Variants in ARHGAP12 observed in about 807,000 individuals in gnomAD.
ARHGAP12 encodes Rho GTPase activating protein 12.
A neutral mutation model predicts 108.6 loss-of-function variants in ARHGAP12; 64 were observed. The ratio of observed to expected loss-of-function variants is 0.59; its 90% CI spans 0.48 to 0.73. ARHGAP12 has a LOEUF of 0.73. Among genes scored for constraint, ARHGAP12 ranks in the 30% least tolerant of loss-of-function variants. The probability of loss-of-function intolerance (pLI) is 0.00; values close to 1 mark genes in which losing one functional copy is unlikely to be tolerated. For missense variants in ARHGAP12, 940 were observed against 1,005.9 expected, an observed-to-expected ratio of 0.93 and a Z score of 0.89; for synonymous variants, 312 against 337.2, an observed-to-expected ratio of 0.93 and a Z score of 0.82.
intron 6 of ARHGAP12, among the ~76,000 whole-genome samples, chr10:31,844,617 T>C (rs1426342546): frequency 1.3e-5 from 2 of 152,020 alleles, no homozygotes; most frequent in Non-Finnish European, 1.5e-5. Context: ...CACTGCAACC[T>C]TGAACTTCTG....
Position 31,806,525 on chromosome 10 carries a change from T to C in ARHGAP12, c.*1133A>G, listed in dbSNP as rs955326019. 10 of 152,626 alleles carry C rather than the reference T, an allele frequency of 6.6e-5. No individual in the cohort carries two copies. The highest frequency in any genetic ancestry group is 2.6e-4 in the Admixed American group (4 of 15,282). 9.5% of individuals were successfully genotyped at this position (152,626 alleles called of 1,614,324 possible). ...CATCCATCTAATTTACAGATGGGTT[T>C]CCACTATTCATACTGGAATTAGAAT... On this transcript the variant is annotated 3_prime_UTR_variant, in exon 20 of 20. Coordinates refer to ENST00000344936, the MANE Select transcript of ARHGAP12 (RefSeq NM_018287.7).
intron 10 of ARHGAP12, among the ~76,000 whole-genome samples, chr10:31,830,593 GTC>G (rs1162441986): frequency 6.6e-6 from 1 of 151,756 alleles, no homozygotes; most frequent in African/African-American, 2.4e-5. Flanking sequence ...AACTACCAAA[GTC>G]TGACAAAAAA....
chr10:31,880,368 G>A (rs962574593), intron 3 of ARHGAP12, among the ~76,000 whole-genome samples: 11 of 152,002 alleles, frequency 7.2e-5, no homozygotes, highest in African/African-American at 2.4e-4. Context: ...CAACACTTTC[G>A]GAGGCCAGGA....
intron 1 of ARHGAP12, among the ~76,000 whole-genome samples, chr10:31,921,933 TA>T (rs1839832277): frequency 6.6e-6 from 1 of 151,832 alleles, no homozygotes; most frequent in Admixed American, 6.6e-5. Flanking sequence ...CTCACACCTA[TA>T]ATCCCAGCAC....
intron 1 of ARHGAP12, among the ~76,000 whole-genome samples, chr10:31,916,088 G>A (rs1288723448): frequency 6.6e-6 from 1 of 152,028 alleles, no homozygotes; most frequent in East Asian, 1.9e-4. Context: ...CAAATACAAC[G>A]CTGTCCAAGC....
intron 6 of ARHGAP12, among the ~76,000 whole-genome samples, chr10:31,847,175 C>T (rs1836493610): frequency 1.3e-5 from 2 of 152,054 alleles, no homozygotes; most frequent in Non-Finnish European, 2.9e-5. Context: ...ACTTAAAATC[C>T]TATGAGATAA....
chr10:31,925,265 G>A (rs1025992526), intron 1 of ARHGAP12, among the ~76,000 whole-genome samples: 7 of 152,200 alleles, frequency 4.6e-5, no homozygotes, highest in African/African-American at 1.7e-4. Flanking sequence ...AGCTGTAGCA[G>A]TACAAGTGAT....
At chr10:31,859,817 TAG>T (rs1319703665) in intron 4 of ARHGAP12, among the ~76,000 whole-genome samples, 1 of 150,636 alleles carries the variant, frequency 6.6e-6, no homozygotes, top group Admixed American at 6.6e-5. Context: ...TTTTTTGAGA[TAG>T]AGTCTCACTC....
chr10:31,832,438 C>T (rs1835867193), intron 9 of ARHGAP12, among the ~76,000 whole-genome samples: 1 of 152,196 alleles, frequency 6.6e-6, no homozygotes, highest in Admixed American at 6.5e-5. Context: ...CAAGCTTTAT[C>T]ATCAAACCCT....
chr10:31,830,436 C>T (rs564953251), intron 10 of ARHGAP12, among the ~76,000 whole-genome samples: 8 of 151,826 alleles, frequency 5.3e-5, no homozygotes, highest in Admixed American at 3.3e-4. Context: ...AGAAAGTAGC[C>T]GAAGAGCTAT....
At chr10:31,815,467 T>G (rs1246179576) in intron 13 of ARHGAP12, among the ~76,000 whole-genome samples, 1 of 152,246 alleles carries the variant, frequency 6.6e-6, no homozygotes, top group South Asian at 2.1e-4. Context: ...CATACTTTAT[T>G]AATGAATATG....
At chr10:31,906,806 T>C (rs1440029549) in intron 3 of ARHGAP12, among the ~76,000 whole-genome samples, 2 of 152,136 alleles carry the variant, frequency 1.3e-5, no homozygotes, top group African/African-American at 4.8e-5. Context: ...TAAAATGTAA[T>C]TTGAAGTGTG....
rs1427906161 is a variant in ARHGAP12 at position 31,827,794 on chromosome 10, G to GA, written c.1449-1410dup. On this transcript the variant is annotated intron_variant, in intron 10 of 19. Coordinates refer to ENST00000344936, the MANE Select transcript of ARHGAP12 (RefSeq NM_018287.7). ...TGACAGAGTGAGACTCCGTCACCCAGAAAAAAAAACAAAAACAAAAAAAAA... is the reference window on the plus strand; with the variant it reads ...TGACAGAGTGAGACTCCGTCACCCAGAAAAAAAAAACAAAAACAAAAAAAAA... Among the ~76,000 whole-genome samples the GA allele has an allele frequency of 5.8e-4, 76 of 131,660 alleles. 1 individual carries two copies. The highest frequency in any genetic ancestry group is 1.8e-3 in the African/African-American group (54 of 29,214). The allele number at this position is 131,660 out of a possible 152,430, so 86.4% of individuals were successfully genotyped here. A position where few individuals can be genotyped will look rare whatever the true frequency, so the allele number is the denominator to read the frequency against.
At chr10:31,910,476 C>T (rs1306097367) in intron 2 of ARHGAP12, 49 bp downstream of exon 2, 1 of 151,812 alleles carries the variant, frequency 6.6e-6, no homozygotes, top group Non-Finnish European at 1.5e-5. Flanking sequence ...AGACAAACTA[C>T]TTGACTAACA....
intron 12 of ARHGAP12, among the ~76,000 whole-genome samples, chr10:31,819,960 A>C (rs1432068475): frequency 6.6e-6 from 1 of 152,134 alleles, no homozygotes; most frequent in African/African-American, 2.4e-5. Flanking sequence ...AGGTTTAAAA[A>C]AAAAAAAGGC....
At chr10:31,911,704 C>G (rs778102920) in intron 1 of ARHGAP12, among the ~76,000 whole-genome samples, 1 of 152,154 alleles carries the variant, frequency 6.6e-6, no homozygotes, top group East Asian at 1.9e-4. Context: ...AGCACTAATG[C>G]GACCTGACAA....
At chr10:31,852,412 TTGTAAAAGTAGAATA>T (rs1836718036) in intron 6 of ARHGAP12, 90 bp downstream of exon 6, 1 of 979,050 alleles carries the variant, frequency 1.0e-6, no homozygotes, top group Non-Finnish European at 1.6e-6. Flanking sequence ...TTATTCTACT[TTGTAAAAGTAGAATA>T]AAGATCTTAA....
In ARHGAP12 at chr10:31,828,695, A is replaced by T. The variant is rs76307817; in HGVS notation, c.1449-2310T>A. ...CTTAGTTGCAAGGTGAATTAGTCACATTTTTTTTTCCTGGAACCCCATTTT... is the reference window on the plus strand; with the variant it reads ...CTTAGTTGCAAGGTGAATTAGTCACTTTTTTTTTTCCTGGAACCCCATTTT... On this transcript the variant is annotated intron_variant, in intron 10 of 19. Transcript: ENST00000344936. Among the ~76,000 whole-genome samples the T allele has an allele frequency of 3.7e-4, 56 of 151,434 alleles. No individual in the cohort carries two copies. In the East Asian group the frequency reaches 6.4e-3, roughly 17 times the overall value.
At chr10:31,812,884 T>G (rs1310504914) in intron 14 of ARHGAP12, 61 bp from the exon 15 acceptor site, 2 of 928,908 alleles carry the variant, frequency 2.2e-6, no homozygotes, top group Non-Finnish European at 3.3e-6. Flanking sequence ...GATACAAGTT[T>G]TTCCAGCTAG....
Sources: gnomAD v4.1 joint callset for allele counts (sites outside exome capture counted in the v4.1 genomes callset) on GRCh38, gnomAD v4.1.1 for gene constraint, MANE v1.5 for transcripts, NCBI Gene and HGNC (gene_info 2026-07-23, HGNC 2026-07-21) for gene names.